The following SLC22A9 variants were observed in gnomAD, a reference collection of about 807,000 sequenced individuals.
The protein encoded by SLC22A9 is organic anion transporter 7.
A neutral mutation model predicts 50.1 loss-of-function variants in SLC22A9; 64 were observed. The ratio of observed to expected loss-of-function variants is 1.28; its 90% CI spans 1.04 to 1.57. SLC22A9 has a LOEUF of 1.57. Among genes scored for constraint, SLC22A9 ranks in the 40% most tolerant of loss-of-function variants. The pLI, the probability that SLC22A9 is intolerant of heterozygous loss-of-function variation, is 0.00. For synonymous variants in SLC22A9, 261 were observed against 242.5 expected (o/e 1.08, Z -0.71); for missense variants, 757 against 676.1 (o/e 1.12, Z -1.33).
intron 4 of SLC22A9, among the ~76,000 whole-genome samples, chr11:63,375,289 A>G (rs1278685167): frequency 6.6e-6 from 1 of 152,158 alleles, no homozygotes; most frequent in Non-Finnish European, 1.5e-5. Context: ...TTTAGGGAAA[A>G]GAACACATTA....
intron 6 of SLC22A9, among the ~76,000 whole-genome samples, chr11:63,401,747 T>C (rs2014955311): frequency 6.6e-6 from 1 of 152,100 alleles, no homozygotes; most frequent in Non-Finnish European, 1.5e-5. Flanking sequence ...TGTTCCCTTT[T>C]CTCCACAACC....
intron 5 of SLC22A9, among the ~76,000 whole-genome samples, chr11:63,379,906 A>C (rs1486507243): frequency 6.6e-6 from 1 of 152,014 alleles, no homozygotes; most frequent in Admixed American, 6.6e-5. Flanking sequence ...TAATTTTTGT[A>C]TTTTTAGTAC....
At chr11:63,383,147 C>T (rs930521185) in intron 6 of SLC22A9, among the ~76,000 whole-genome samples, 1 of 152,066 alleles carries the variant, frequency 6.6e-6, no homozygotes, top group South Asian at 2.1e-4. Context: ...CAGCTCAGTG[C>T]AATAAAAATA....
chr11:63,383,595 T>A (rs1477106773), intron 6 of SLC22A9, among the ~76,000 whole-genome samples: 1 of 151,954 alleles, frequency 6.6e-6, no homozygotes, highest in African/African-American at 2.4e-5. Flanking sequence ...CAAATGTGCA[T>A]ACACCAATGC....
chr11:63,389,677 A>C (rs2014729375), intron 6 of SLC22A9, among the ~76,000 whole-genome samples: 1 of 152,194 alleles, frequency 6.6e-6, no homozygotes, highest in Non-Finnish European at 1.5e-5. Flanking sequence ...AATGATTTAT[A>C]ATCCTTTGGG....
chr11:63,371,230 A>T lies in SLC22A9; in HGVS notation c.498A>T (p.Leu166Phe). The T allele has an allele frequency of 1.2e-6, 2 of 1,611,948 alleles. No homozygotes were observed. Among genetic ancestry groups the T allele is most frequent in the Non-Finnish European group, 1.7e-6 (2 of 1,178,306 alleles). Residue 166 changes from leucine to phenylalanine, a missense_variant, in exon 2 of 10, where the codon TTA (leucine) becomes TTT (phenylalanine). By Grantham distance (22) the Leu-to-Phe change is conservative. Coordinates refer to ENST00000279178, the MANE Select transcript of SLC22A9 (RefSeq NM_080866.3). ...TGGGAGGCATCCTAGGCGGTCATTT[A>T]TCAGACAGGTGAGTGTGTATGGAAC... ...MMVGGILGGH[L>F]SDRFGRRFVL...
chr11:63,406,756 T>A, intron 7 of SLC22A9, 45 bp downstream of exon 7: 1 of 1,586,192 alleles, frequency 6.3e-7, no homozygotes, highest in Non-Finnish European at 8.6e-7. Flanking sequence ...CTTTGCCTCT[T>A]TTCTCAGGGA....
chr11:63,401,866 T>A (rs2014957239), intron 6 of SLC22A9, among the ~76,000 whole-genome samples: 1 of 152,088 alleles, frequency 6.6e-6, no homozygotes, highest in Non-Finnish European at 1.5e-5. Context: ...AGTGATGTTA[T>A]AAGTTTTTTT....
chr11:63,402,685 A>G (rs1424801252), intron 6 of SLC22A9, among the ~76,000 whole-genome samples: 1 of 152,074 alleles, frequency 6.6e-6, no homozygotes, highest in East Asian at 1.9e-4. Flanking sequence ...GTTTTTAACT[A>G]AATGTAAAAT....
At chr11:63,408,297 A>T in intron 8 of SLC22A9, 77 bp downstream of exon 8, 1 of 1,091,452 alleles carries the variant, frequency 9.2e-7, no homozygotes, top group East Asian at 2.4e-5. Context: ...GCGGGAAGAA[A>T]TCTAAGACTG....
chr11:63,401,506 T>C (rs1388350575), intron 6 of SLC22A9, among the ~76,000 whole-genome samples: 4 of 152,108 alleles, frequency 2.6e-5, no homozygotes, highest in Non-Finnish European at 5.9e-5. Context: ...AGACATCCCA[T>C]GTGCATGGAT....
At chr11:63,391,576 C>CT (rs2014764848) in intron 6 of SLC22A9, among the ~76,000 whole-genome samples, 1 of 151,982 alleles carries the variant, frequency 6.6e-6, no homozygotes, top group African/African-American at 2.4e-5. Context: ...TTCTTTGTCT[C>CT]TTTTTAGACT....
At chr11:63,397,872 T>A (rs967721348) in intron 6 of SLC22A9, among the ~76,000 whole-genome samples, 3 of 151,430 alleles carry the variant, frequency 2.0e-5, no homozygotes, top group Admixed American at 6.6e-5. Flanking sequence ...TGGTGTTCTA[T>A]CCTATGGTGG....
At chr11:63,392,840 G>A (rs2014788119) in intron 6 of SLC22A9, among the ~76,000 whole-genome samples, 1 of 151,902 alleles carries the variant, frequency 6.6e-6, no homozygotes, top group African/African-American at 2.4e-5. Flanking sequence ...TAAAATTCTT[G>A]GTTTCTCTAA....
intron 6 of SLC22A9, among the ~76,000 whole-genome samples, chr11:63,395,806 T>A (rs2014844325): frequency 6.6e-6 from 1 of 151,910 alleles, no homozygotes; most frequent in Non-Finnish European, 1.5e-5. Context: ...AGAAGTTGGG[T>A]AGGAAAAGGC....
At chr11:63,397,049 T>C (rs1423371544) in intron 6 of SLC22A9, among the ~76,000 whole-genome samples, 1 of 152,198 alleles carries the variant, frequency 6.6e-6, no homozygotes, top group African/African-American at 2.4e-5. Context: ...TTTGGTGATT[T>C]GATCTGTTTT....
intron 6 of SLC22A9, among the ~76,000 whole-genome samples, chr11:63,383,523 T>C (rs183012795): frequency 2.0e-5 from 3 of 152,110 alleles, no homozygotes; most frequent in Non-Finnish European, 4.4e-5. Context: ...TTTGGGTTGA[T>C]TGGTGAAGGT....
At chr11:63,399,121 AAAAG>A (rs2014910797) in intron 6 of SLC22A9, among the ~76,000 whole-genome samples, 1 of 152,202 alleles carries the variant, frequency 6.6e-6, no homozygotes, top group South Asian at 2.1e-4. Context: ...TTATACACAA[AAAAG>A]AAAGGAAGAA....
intron 6 of SLC22A9, among the ~76,000 whole-genome samples, chr11:63,405,454 A>G (rs985371966): frequency 7.9e-5 from 12 of 152,206 alleles, no homozygotes; most frequent in Non-Finnish European, 1.6e-4. Context: ...AACAAGATAC[A>G]TATGTATTCT....
Sources: gnomAD v4.1 joint callset for allele counts (sites outside exome capture counted in the v4.1 genomes callset) on GRCh38, gnomAD v4.1.1 for gene constraint, MANE v1.5 for transcripts, NCBI Gene and HGNC (gene_info 2026-07-23, HGNC 2026-07-21) for gene names.